The following METTL16 variants were observed in gnomAD, a reference collection of about 807,000 sequenced individuals.
METTL16 encodes the protein methyltransferase 16, RNA N6-adenosine, also known as RNA N(6)-adenosine-methyltransferase METTL16.
METTL16 carries 19 observed loss-of-function variants against 57.9 expected under a neutral mutation model. That is an observed-to-expected ratio of 0.33 (90% CI 0.23 to 0.48). METTL16 has a LOEUF of 0.48. METTL16 is among the 20% of genes least tolerant of loss of function. The pLI is 0.99. For synonymous variants in METTL16, 246 were observed against 255.6 expected (o/e 0.96, Z 0.36); for missense variants, 434 against 691.5 (o/e 0.63, Z 4.18).
chr17:2,434,997 T>C, intron 8 of METTL16, among the ~76,000 whole-genome samples: 1 of 152,230 alleles, frequency 6.6e-6, no homozygotes, highest in Non-Finnish European at 1.5e-5. Flanking sequence ...CTTTCGGCAA[T>C]TAGCGGAGAG....
intron 2 of METTL16, among the ~76,000 whole-genome samples, chr17:2,492,148 T>A (rs547855006): frequency 6.6e-6 from 1 of 151,592 alleles, no homozygotes; most frequent in East Asian, 1.9e-4. Context: ...GAGGCGGAGC[T>A]TGCAGTGAGC....
At chr17:2,497,192 G>A (rs2067452456) in intron 2 of METTL16, among the ~76,000 whole-genome samples, 1 of 150,938 alleles carries the variant, frequency 6.6e-6, no homozygotes, top group South Asian at 2.1e-4. Flanking sequence ...TTTTAGTAGA[G>A]ACGGGGTTTC....
intron 5 of METTL16, among the ~76,000 whole-genome samples, chr17:2,466,414 G>T (rs1298853868): frequency 6.6e-6 from 1 of 152,056 alleles, no homozygotes; most frequent in African/African-American, 2.4e-5. Context: ...AACAACCATA[G>T]AACAAGTCAC....
At chr17:2,428,308 A>ATTTC (rs2066834878) in intron 8 of METTL16, among the ~76,000 whole-genome samples, 1 of 151,764 alleles carries the variant, frequency 6.6e-6, no homozygotes, top group Non-Finnish European at 1.5e-5. Context: ...GATACCAGAA[A>ATTTC]GCAAGGAAGC....
intron 2 of METTL16, among the ~76,000 whole-genome samples, chr17:2,492,794 C>T (rs192892641): frequency 1.3e-5 from 2 of 149,212 alleles, no homozygotes; most frequent in Admixed American, 6.7e-5. Context: ...CAACTCAGGA[C>T]GCTGAGGCAG....
At chr17:2,466,250 C>A (rs2067195584) in intron 5 of METTL16, among the ~76,000 whole-genome samples, 1 of 150,886 alleles carries the variant, frequency 6.6e-6, no homozygotes, top group Admixed American at 6.6e-5. Flanking sequence ...CCTTCCTAAG[C>A]CAAGAAGCTC....
At chr17:2,440,455 C>T (rs566095427) in intron 7 of METTL16, among the ~76,000 whole-genome samples, 7 of 152,000 alleles carry the variant, frequency 4.6e-5, no homozygotes, top group Admixed American at 3.3e-4. Context: ...CACCATGTTG[C>T]CCAGGATGGT....
Position 2,419,849 on chromosome 17 carries a change from G to T in METTL16, c.*121C>A. On this transcript the variant is annotated 3_prime_UTR_variant, in exon 10 of 10. Transcript: ENST00000263092. ...GTGGGGGACAGATTCATAGGTTTTT[G>T]TTTTCGAAGATAATTCCACATCGTG... is the stretch of plus-strand genomic sequence containing the variant. The T allele has an allele frequency of 7.9e-7, 1 of 1,273,060 alleles. No homozygotes were observed. The highest frequency in any genetic ancestry group is 1.1e-6 in the Non-Finnish European group (1 of 898,694). The allele number at this position is 1,273,060 out of a possible 1,614,324, so 78.9% of individuals were successfully genotyped here.
chr17:2,446,194 T>A (rs2066994019), intron 6 of METTL16, among the ~76,000 whole-genome samples: 1 of 152,134 alleles, frequency 6.6e-6, no homozygotes, highest in Non-Finnish European at 1.5e-5. Context: ...ACAGCCAACA[T>A]CATCATGGTC....
chr17:2,447,693 C>CGGGAGGG (rs2067016260), intron 6 of METTL16, among the ~76,000 whole-genome samples: 2 of 139,278 alleles, frequency 1.4e-5, no homozygotes, highest in Admixed American at 6.8e-5. Context: ...CCGCCCCGTC[C>CGGGAGGG]GGGAGGGGGG....
At chr17:2,491,539 C>A (rs2044168) in intron 2 of METTL16, among the ~76,000 whole-genome samples, 1 of 151,976 alleles carries the variant, frequency 6.6e-6, no homozygotes, top group Admixed American at 6.6e-5. Context: ...GTACAGTCTA[C>A]CCAGCATGAT....
intron 2 of METTL16, among the ~76,000 whole-genome samples, chr17:2,500,167 G>A (rs2067476965): frequency 6.6e-6 from 1 of 152,182 alleles, no homozygotes; most frequent in South Asian, 2.1e-4. Flanking sequence ...TGGCTTCCAG[G>A]TTAAGTCTTG....
At chr17:2,435,535 G>A (rs147673168) in intron 8 of METTL16, among the ~76,000 whole-genome samples, 2 of 152,190 alleles carry the variant, frequency 1.3e-5, no homozygotes, top group African/African-American at 4.8e-5. Flanking sequence ...AGCAGTTGCC[G>A]ATCAAGGGCA....
intron 3 of METTL16, 53 bp from the exon 4 acceptor site, chr17:2,473,717 A>G (rs577295089): frequency 7.1e-6 from 11 of 1,550,988 alleles, no homozygotes; most frequent in South Asian, 5.9e-5. Flanking sequence ...GAAAGGTTAC[A>G]ATAATCATGA....
chr17:2,452,841 TTTTTTG>T (rs935169878), intron 6 of METTL16, among the ~76,000 whole-genome samples: 29 of 152,116 alleles, frequency 1.9e-4, no homozygotes, highest in Middle Eastern at 6.8e-3. Flanking sequence ...GCGTGTATTG[TTTTTTG>T]TTTTTGTTTT....
At chr17:2,447,163 T>C (rs1297178514) in intron 6 of METTL16, among the ~76,000 whole-genome samples, 1 of 143,996 alleles carries the variant, frequency 6.9e-6, no homozygotes, top group Non-Finnish European at 1.5e-5. Context: ...CGCCTTCCCA[T>C]CTAGGAAGTG....
chr17:2,505,009 T>C (rs1275556424), intron 1 of METTL16, among the ~76,000 whole-genome samples: 1 of 152,110 alleles, frequency 6.6e-6, no homozygotes, highest in Admixed American at 6.6e-5. Flanking sequence ...TAAAACCAAA[T>C]GAAAACGAAC....
chr17:2,464,358 A>G lies in METTL16; in HGVS notation c.586-8T>C. ...ATTTCGTGAGTTTACTCCCTGAAAA[A>G]CAACAAAAAACCCTGGTGAAAAATG... On this transcript the variant is annotated splice_polypyrimidine_tract_variant and splice_region_variant and intron_variant, in intron 5 of 9. Transcript: ENST00000263092. 1 of 1,587,544 alleles carries G rather than the reference A, an allele frequency of 6.3e-7. No individual in the cohort carries two copies. The highest frequency in any genetic ancestry group is 8.5e-7 in the Non-Finnish European group (1 of 1,171,784).
chr17:2,420,682 A>G lies in METTL16; in HGVS notation c.1062+49T>C, dbSNP rs1567878465. ...AATAAAAAAAAAAAGAAAAAAGAAAAAAGAGAAGGATCATTATGAGTACTT... is the reference window on the plus strand; with the variant it reads ...AATAAAAAAAAAAAGAAAAAAGAAAGAAGAGAAGGATCATTATGAGTACTT... On this transcript the variant is annotated intron_variant, in intron 9 of 9. Transcript: ENST00000263092. The surrounding 1 kb of genome is among the most constrained non-coding windows in gnomAD (Gnocchi z 5.4). 1.3e-6 allele frequency: 2 copies of G among 1,565,766 alleles called. No individual in the cohort carries two copies. Among genetic ancestry groups the G allele is most frequent in the Non-Finnish European group, 1.7e-6 (2 of 1,162,464 alleles).
Sources: gnomAD v4.1 joint callset for allele counts (sites outside exome capture counted in the v4.1 genomes callset) on GRCh38, gnomAD v4.1.1 for gene constraint, Gnocchi (gnomAD v3.1) non-coding constraint, MANE v1.5 for transcripts, NCBI Gene and HGNC (gene_info 2026-07-23, HGNC 2026-07-21) for gene names.